The following NRXN3 variants were observed in gnomAD, a reference collection of about 807,000 sequenced individuals.
NRXN3 encodes the protein neurexin III.
In NRXN3, 32 loss-of-function variants were observed where a neutral mutation model predicts 137.6. The observed-to-expected ratio is 0.23, with a 90% CI of 0.18 to 0.31. The LOEUF is 0.31. NRXN3 is among the 10% of genes least tolerant of loss of function. The pLI is 1.00. For missense variants in NRXN3, 1,574 were observed against 2,062.5 expected (o/e 0.76, Z 4.59); for synonymous variants, 798 against 784.5 (o/e 1.02, Z -0.29).
At chr14:79,426,060 C>T (rs563112631) in intron 15 of NRXN3, among the ~76,000 whole-genome samples, 125 of 151,694 alleles carry the variant, frequency 8.2e-4, no homozygotes, top group Non-Finnish European at 1.5e-3. Flanking sequence ...GGGCCAGCAT[C>T]CAAGGGTGGT....
At chr14:78,980,975 T>G (rs1367218099) in intron 14 of NRXN3, among the ~76,000 whole-genome samples, 1 of 152,162 alleles carries the variant, frequency 6.6e-6, no homozygotes, top group Non-Finnish European at 1.5e-5. Context: ...CCTTTGGATG[T>G]TTTAAGATAT....
At chr14:78,737,825 G>A (rs1199075370) in intron 8 of NRXN3, among the ~76,000 whole-genome samples, 1 of 152,134 alleles carries the variant, frequency 6.6e-6, no homozygotes, top group Non-Finnish European at 1.5e-5. Flanking sequence ...CAGGGAAGGG[G>A]AGGATGGCTT....
At chr14:78,334,759 G>A (rs757796419) in intron 4 of NRXN3, among the ~76,000 whole-genome samples, 8 of 152,110 alleles carry the variant, frequency 5.3e-5, no homozygotes, top group Non-Finnish European at 1.0e-4. Context: ...CAGTGGGGAT[G>A]GGTAGTAATT....
In NRXN3 at chr14:79,265,231, CTTTT is replaced by C. The variant is rs936690790; in HGVS notation, c.3263-201969_3263-201966del. ...GAGGGTAGGAGGAATGGGGGTTGCTCTTTTTTTTTTTTTTTTTTTTTTTTAAATT... is the reference window on the plus strand; with the variant it reads ...GAGGGTAGGAGGAATGGGGGTTGCTCTTTTTTTTTTTTTTTTTTTTAAATT... On this transcript the variant is annotated intron_variant, in intron 15 of 20. Transcript: ENST00000335750. Among the ~76,000 whole-genome samples, 16 of 91,910 alleles carry C rather than the reference CTTTT, an allele frequency of 1.7e-4. 1 individual carries two copies. Among genetic ancestry groups the C allele is most frequent in the South Asian group, 3.8e-4 (1 of 2,646 alleles). 60.3% of individuals were successfully genotyped at this position (91,910 alleles called of 152,430 possible).
chr14:78,492,658 C>G (rs1477657467), intron 4 of NRXN3, among the ~76,000 whole-genome samples: 2 of 152,184 alleles, frequency 1.3e-5, no homozygotes, highest in African/African-American at 2.4e-5. Flanking sequence ...CAGATACACT[C>G]TACTCCAGCC....
At chr14:79,287,993 A>T (rs1396570783) in intron 15 of NRXN3, among the ~76,000 whole-genome samples, 1 of 152,216 alleles carries the variant, frequency 6.6e-6, no homozygotes, top group Non-Finnish European at 1.5e-5. Context: ...GTTTTCCAGC[A>T]CTGGAACTGC....
intron 20 of NRXN3, among the ~76,000 whole-genome samples, chr14:79,818,778 A>G (rs1235423786): frequency 6.6e-6 from 1 of 152,234 alleles, no homozygotes; most frequent in African/African-American, 2.4e-5. Context: ...TCTTAAAATG[A>G]GTTATAAAGA....
rs1475684374 is a variant in NRXN3 at position 79,109,069 on chromosome 14, G to A, written c.3262+120928G>A. ...GCGTACTATTTCAATGTCCAAAGAC[G>A]TTATTCTTTTAAGTAATAGATGTTC... On this transcript the variant is annotated intron_variant, in intron 15 of 20. Transcript: ENST00000335750. Among the ~76,000 whole-genome samples, 6 of 152,158 alleles carry A rather than the reference G, an allele frequency of 3.9e-5. No homozygotes were observed. In the East Asian group the frequency reaches 7.7e-4, roughly 20 times the overall value.
chr14:78,974,994 T>C (rs1214020373), intron 14 of NRXN3, among the ~76,000 whole-genome samples: 1 of 152,216 alleles, frequency 6.6e-6, no homozygotes, highest in Non-Finnish European at 1.5e-5. Context: ...ATTGTGTGGT[T>C]GGGGTAGTGT....
chr14:79,164,623 A>G (rs2153075213), intron 15 of NRXN3, among the ~76,000 whole-genome samples: 1 of 152,132 alleles, frequency 6.6e-6, no homozygotes, highest in South Asian at 2.1e-4. Flanking sequence ...ACTTTATGAA[A>G]ATGTGGGAAA....
chr14:79,346,738 C>CG (rs1249730713), intron 15 of NRXN3, among the ~76,000 whole-genome samples: 2 of 152,252 alleles, frequency 1.3e-5, no homozygotes, highest in Non-Finnish European at 2.9e-5. Flanking sequence ...TATCACTCCT[C>CG]GTTATCCAGG....
intron 20 of NRXN3, among the ~76,000 whole-genome samples, chr14:79,808,284 G>A (rs61992430): frequency 0.071 from 10,199 of 143,108 alleles, 460 homozygotes; most frequent in South Asian, 0.11. Context: ...ATGTATGTAT[G>A]TATGTATGTA....
intron 4 of NRXN3, among the ~76,000 whole-genome samples, chr14:78,374,294 G>A (rs1361920205): frequency 6.6e-6 from 1 of 152,106 alleles, no homozygotes; most frequent in Non-Finnish European, 1.5e-5. Flanking sequence ...TTTAGTATAA[G>A]TTTTATGGTT....
chr14:79,776,461 C>G (rs1027950690), intron 19 of NRXN3, among the ~76,000 whole-genome samples: 1 of 152,208 alleles, frequency 6.6e-6, no homozygotes, highest in Non-Finnish European at 1.5e-5. Context: ...TAACAAAACT[C>G]TCCAAAATCA....
rs556489981 is a variant in NRXN3 at position 79,654,362 on chromosome 14, A to C, written c.3445-9416A>C. Among the ~76,000 whole-genome samples the C allele has an allele frequency of 4.7e-4, 72 of 152,230 alleles. 1 individual carries two copies. Among genetic ancestry groups the C allele is most frequent in the African/African-American group, 1.6e-3 (67 of 41,562 alleles). ...AAAAACTTAAAAAAAATTAAACTTA[A>C]AAAAAGTTCCACAACGAACAGGGGT... On this transcript the variant is annotated intron_variant, in intron 16 of 20. Coordinates refer to ENST00000335750, the MANE Select transcript of NRXN3 (RefSeq NM_001330195.2).
chr14:79,224,158 G>C (rs2070369632), intron 15 of NRXN3, among the ~76,000 whole-genome samples: 1 of 152,048 alleles, frequency 6.6e-6, no homozygotes, highest in South Asian at 2.1e-4. Context: ...TAGATGCAAG[G>C]GTAATTTTTT....
At chr14:79,088,163 G>T (rs747221349) in intron 15 of NRXN3, among the ~76,000 whole-genome samples, 1 of 150,006 alleles carries the variant, frequency 6.7e-6, no homozygotes, top group Non-Finnish European at 1.5e-5. Context: ...CAAATCTGTT[G>T]CAATGTTTCA....
At chr14:79,277,579 T>C (rs1385518124) in intron 15 of NRXN3, among the ~76,000 whole-genome samples, 1 of 152,238 alleles carries the variant, frequency 6.6e-6, no homozygotes, top group African/African-American at 2.4e-5. Context: ...TCAGGTGCTC[T>C]ACCAGATACT....
At chr14:79,242,775 G>A (rs1210516482) in intron 15 of NRXN3, among the ~76,000 whole-genome samples, 1 of 152,100 alleles carries the variant, frequency 6.6e-6, no homozygotes, top group African/African-American at 2.4e-5. Flanking sequence ...CACAACCCAA[G>A]GATCCTGTTA....
Sources: gnomAD v4.1 joint callset for allele counts (sites outside exome capture counted in the v4.1 genomes callset) on GRCh38, gnomAD v4.1.1 for gene constraint, MANE v1.5 for transcripts, NCBI Gene and HGNC (gene_info 2026-07-23, HGNC 2026-07-21) for gene names.